The following KCNH8 variants were observed in gnomAD, a reference collection of about 807,000 sequenced individuals.
KCNH8 encodes the protein voltage-gated delayed rectifier potassium channel KCNH8.
KCNH8 carries 70 observed loss-of-function variants against 103.6 expected under a neutral mutation model. The ratio of observed to expected loss-of-function variants is 0.68; its 90% CI spans 0.56 to 0.82. The LOEUF (loss-of-function observed/expected upper bound fraction) is 0.82. KCNH8 is among the 40% of genes least tolerant of loss of function. KCNH8 has a pLI of 0.00. For missense variants in KCNH8, 1,217 were observed against 1,329.9 expected (o/e 0.92, Z 1.32); for synonymous variants, 498 against 489.4 (o/e 1.02, Z -0.23).
At chr3:19,156,966 C>CTT (rs765953228) in intron 1 of KCNH8, among the ~76,000 whole-genome samples, 4 of 130,624 alleles carry the variant, frequency 3.1e-5, no homozygotes, top group African/African-American at 1.4e-4. Context: ...GTCTATAAAG[C>CTT]TTTTTTTTTT....
In KCNH8 at chr3:19,456,887, G is replaced by T; in HGVS notation, c.1945G>T (p.Glu649Ter). Residue 649 changes from glutamate (E) to a stop codon, truncating the protein, a stop_gained, in exon 11 of 16, where the codon GAA (glutamate) becomes TAA (stop). Coordinates refer to ENST00000328405, the MANE Select transcript of KCNH8 (RefSeq NM_144633.3). LOFTEE classifies it high-confidence loss of function. ...LQCIILKGLF[E>*]VLDLYPEYAH... is the part of the protein sequence containing the mutation. ...GTGTATCATCCTCAAAGGACTCTTT[G>T]AAGTGCTAGACCTTTACCCAGAATA... is the stretch of plus-strand genomic sequence containing the variant. The T allele has an allele frequency of 6.2e-7, 1 of 1,612,598 alleles. No individual in the cohort carries two copies. Among genetic ancestry groups the T allele is most frequent in the Non-Finnish European group, 8.5e-7 (1 of 1,179,032 alleles).
intron 3 of KCNH8, chr3:19,314,749 T>G (rs527943064): frequency 6.5e-6 from 1 of 154,306 alleles, no homozygotes; most frequent in East Asian, 1.9e-4. Flanking sequence ...AGATACTTGA[T>G]CTAGGCAATT....
At position 19,148,807 on chromosome 3, in the gene KCNH8, A is replaced by T; in HGVS notation, c.76+12A>T. ...TTTTGACGGAACACGTAAGTCTTAC[A>T]CTTGAACGAGTGGTATGGCATTTTC... On this transcript the variant is annotated intron_variant, in intron 1 of 15. Transcript: ENST00000328405. 1.2e-6 allele frequency: 2 copies of T among 1,611,364 alleles called. No individual in the cohort carries two copies. The highest frequency in any genetic ancestry group is 1.7e-4 in the Middle Eastern group (1 of 6,052).
intron 1 of KCNH8, among the ~76,000 whole-genome samples, chr3:19,170,843 G>T (rs6784247): frequency 0.056 from 7,031 of 124,686 alleles, 946 homozygotes; most frequent in African/African-American, 0.23. Context: ...GAAGTCTCGC[G>T]CTCTCGCCCA....
intron 11 of KCNH8, among the ~76,000 whole-genome samples, chr3:19,495,490 G>A (rs1274445120): frequency 6.6e-6 from 1 of 152,054 alleles, no homozygotes; most frequent in African/African-American, 2.4e-5. Context: ...GTTTTTGTTG[G>A]CTTTGTTGAA....
intron 7 of KCNH8, among the ~76,000 whole-genome samples, chr3:19,425,030 A>G (rs879570690): frequency 4.6e-5 from 7 of 152,174 alleles, no homozygotes; most frequent in Non-Finnish European, 1.0e-4. Context: ...ATTATATTAA[A>G]TATCAGTCCA....
intron 5 of KCNH8, among the ~76,000 whole-genome samples, chr3:19,374,096 G>A (rs2066150910): frequency 1.3e-5 from 2 of 151,754 alleles, no homozygotes; most frequent in African/African-American, 2.4e-5. Flanking sequence ...TTGATTTGGG[G>A]TGGAGAGTTC....
At position 19,281,172 on chromosome 3, in the gene KCNH8, G is replaced by A. The variant is rs188162304; in HGVS notation, c.311-26G>A. 552 of 1,599,354 alleles carry A rather than the reference G, an allele frequency of 3.5e-4. 2 individuals carry two copies. The African/African-American group carries it at 6.4e-3, about 19-fold the overall frequency. ...GATAACACAAGGCAATGGTTGATTT[G>A]TATTTTTTTTTCTTTACTGTTGCAG... On this transcript the variant is annotated intron_variant, in intron 2 of 15. Transcript: ENST00000328405.
chr3:19,360,754 T>C (rs769209756), intron 5 of KCNH8, among the ~76,000 whole-genome samples: 70 of 152,068 alleles, frequency 4.6e-4, no homozygotes, highest in Non-Finnish European at 9.6e-4. Context: ...TTTATAATAA[T>C]TTCTTGTGTA....
intron 3 of KCNH8, among the ~76,000 whole-genome samples, chr3:19,318,611 T>C (rs72625823): frequency 0.22 from 33,614 of 150,334 alleles, 4,275 homozygotes; most frequent in Non-Finnish European, 0.29. Flanking sequence ...ATTTTGTTCC[T>C]TTTTATGGCT....
Position 19,380,687 on chromosome 3 carries a change from T to C in KCNH8, c.812-9794T>C, listed in dbSNP as rs111999089. On this transcript the variant is annotated intron_variant, in intron 5 of 15. Coordinates refer to ENST00000328405, the MANE Select transcript of KCNH8 (RefSeq NM_144633.3). Reference sequence around the variant, plus strand: ...TTTGCTTCCCAACTTGCCTTTTGGTTTCAGTGACCTGGATTATAACATAGC... The same window carrying C: ...TTTGCTTCCCAACTTGCCTTTTGGTCTCAGTGACCTGGATTATAACATAGC... Among the ~76,000 whole-genome samples the C allele has an allele frequency of 2.6e-5, 4 of 152,356 alleles. 1 individual carries two copies. Among genetic ancestry groups the C allele is most frequent in the African/African-American group, 7.2e-5 (3 of 41,578 alleles).
At chr3:19,295,395 T>C (rs1033690291) in intron 3 of KCNH8, among the ~76,000 whole-genome samples, 1 of 142,780 alleles carries the variant, frequency 7.0e-6, no homozygotes, top group African/African-American at 2.5e-5. Context: ...AATAAATAAA[T>C]AAATAAATAA....
chr3:19,524,295 C>T (rs150249613), intron 15 of KCNH8, among the ~76,000 whole-genome samples: 1 of 151,816 alleles, frequency 6.6e-6, no homozygotes, highest in Non-Finnish European at 1.5e-5. Flanking sequence ...ATTTTCAAAG[C>T]AAAACATAAA....
chr3:19,409,966 C>T (rs1219677217), intron 7 of KCNH8, among the ~76,000 whole-genome samples: 9 of 151,994 alleles, frequency 5.9e-5, no homozygotes, highest in Non-Finnish European at 1.2e-4. Flanking sequence ...CAGTTCATCA[C>T]GGCAGAAAAC....
At position 19,520,717 on chromosome 3, in the gene KCNH8, G is replaced by GA. The variant is rs529419061; in HGVS notation, c.2619+2650dup. On this transcript the variant is annotated intron_variant, in intron 15 of 15. Transcript: ENST00000328405. ...ATAATAAATGTGGGATGCACTGCAT[G>GA]AAAAAAACTCTACCACCAAAAGGAC... Among the ~76,000 whole-genome samples the GA allele has an allele frequency of 1.2e-3, 175 of 151,988 alleles. 2 individuals are homozygous for GA. Among genetic ancestry groups the GA allele is most frequent in the African/African-American group, 3.9e-3 (163 of 41,492 alleles).
At chr3:19,363,552 A>G (rs1479848029) in intron 5 of KCNH8, among the ~76,000 whole-genome samples, 2 of 152,178 alleles carry the variant, frequency 1.3e-5, no homozygotes, top group African/African-American at 2.4e-5. Flanking sequence ...TTACAAATAC[A>G]TACTTGCTTC....
chr3:19,361,461 A>G (rs75623793), intron 5 of KCNH8, among the ~76,000 whole-genome samples: 1,622 of 152,210 alleles, frequency 0.011, 28 homozygotes, highest in African/African-American at 0.038. Flanking sequence ...CATATTTGGC[A>G]TTTATATTCA....
intron 4 of KCNH8, chr3:19,346,840 C>T: frequency 2.8e-6 from 1 of 361,740 alleles, no homozygotes; most frequent in Non-Finnish European, 5.6e-6. Context: ...AGGTCAAAGC[C>T]AGGTCTGCAA....
intron 7 of KCNH8, among the ~76,000 whole-genome samples, chr3:19,426,002 G>C (rs2067023445): frequency 6.6e-6 from 1 of 152,190 alleles, no homozygotes. Context: ...CTCAACACTA[G>C]ACTTTAAATG....
Sources: allele counts gnomAD v4.1 joint callset (sites outside exome capture counted in the v4.1 genomes callset), GRCh38; gene constraint gnomAD v4.1.1; transcripts MANE v1.5; gene names NCBI Gene and HGNC (gene_info 2026-07-23, HGNC 2026-07-21).